Variants in TNS4 observed in about 807,000 individuals in gnomAD.
TNS4 encodes tensin-4.
In TNS4, 46 loss-of-function variants were observed where a neutral mutation model predicts 70.4. That is an observed-to-expected ratio of 0.65 (90% CI 0.52 to 0.84). The LOEUF (loss-of-function observed/expected upper bound fraction) is 0.84. TNS4 is among the 40% of genes least tolerant of loss of function. TNS4 has a pLI of 0.00. For synonymous variants in TNS4, 390 were observed against 366.6 expected (o/e 1.06, Z -0.73); for missense variants, 863 against 907.0 (o/e 0.95, Z 0.62).
In TNS4 at chr17:40,476,421, TGTGTGTG is replaced by T; in HGVS notation, c.*1160_*1166del. On this transcript the variant is annotated 3_prime_UTR_variant, in exon 13 of 13. Transcript: ENST00000254051. Reference sequence around the variant, plus strand: ...GTGTGTGTGTGTGTGTGTGTGTGTGTGTGTGTGTTGGAGCGTGGGTTGGGGGAGGGCT... The same window carrying T: ...GTGTGTGTGTGTGTGTGTGTGTGTGTTTGGAGCGTGGGTTGGGGGAGGGCT... The T allele has an allele frequency of 7.3e-6, 1 of 136,800 alleles. No individual in the cohort carries two copies. Among genetic ancestry groups the T allele is most frequent in the Non-Finnish European group, 1.5e-5 (1 of 64,824 alleles). The allele number at this position is 136,800 out of a possible 1,614,324, so 8.5% of individuals were successfully genotyped here. A position where few individuals can be genotyped will look rare whatever the true frequency, so the allele number is the denominator to read the frequency against.
At chr17:40,480,654 C>T (rs1419345181) in intron 9 of TNS4, 46 bp downstream of exon 9, 1 of 1,470,826 alleles carries the variant, frequency 6.8e-7, no homozygotes. Context: ...GAGGTGCCCT[C>T]TTGGGGCACA....
intron 1 of TNS4, 112 bp downstream of exon 1, chr17:40,501,422 T>C (rs2036214637): frequency 1.6e-5 from 2 of 126,086 alleles, no homozygotes; most frequent in East Asian, 4.5e-4. Flanking sequence ...CACTCCAGCT[T>C]GGGTGACAGA....
intron 8 of TNS4, 54 bp from the exon 9 acceptor site, chr17:40,480,822 G>A (rs1046852874): frequency 6.4e-7 from 1 of 1,572,630 alleles, no homozygotes; most frequent in Non-Finnish European, 8.7e-7. Flanking sequence ...GGAGTGAATG[G>A]ACCCCTCTCA....
At chr17:40,481,675 T>A (rs1279482635) in intron 8 of TNS4, among the ~76,000 whole-genome samples, 2 of 152,230 alleles carry the variant, frequency 1.3e-5, no homozygotes, top group African/African-American at 4.8e-5. Context: ...CCTTATTTTC[T>A]TATCTGTGAA....
intron 2 of TNS4, among the ~76,000 whole-genome samples, chr17:40,492,718 C>T (rs1010166916): frequency 6.6e-6 from 1 of 151,160 alleles, no homozygotes; most frequent in African/African-American, 2.4e-5. Context: ...CATGGTGAGA[C>T]TCCATCTCTA....
Position 40,496,213 on chromosome 17 carries a change from C to CT in TNS4, c.212dup (p.Val72GlyfsTer14). The CT allele has an allele frequency of 6.2e-7, 1 of 1,601,696 alleles. No individual in the cohort carries two copies. Among genetic ancestry groups the CT allele is most frequent in the African/African-American group, 1.3e-5 (1 of 74,632 alleles). On this transcript the variant is annotated frameshift_variant, in exon 2 of 13. Transcript: ENST00000254051. LOFTEE classifies it high-confidence loss of function. Reference sequence around the variant, plus strand: ...GGAAGCAGGTGGCTTTGGCCTCCACCTGTGGGGCTTGCTGGAGTCGGCCAG... The same window carrying CT: ...GGAAGCAGGTGGCTTTGGCCTCCACCTTGTGGGGCTTGCTGGAGTCGGCCAG...
chr17:40,494,729 CAAA>C (rs5820349), intron 2 of TNS4, among the ~76,000 whole-genome samples: 82,139 of 106,304 alleles, frequency 0.77, 31,406 homozygotes, highest in East Asian at 0.89. Flanking sequence ...GACTCCATTG[CAAA>C]AAAAAAAAAA....
At position 40,478,624 on chromosome 17, in the gene TNS4, T is replaced by G; in HGVS notation, c.1935A>C (p.Pro645=). Reference sequence around the variant, plus strand: ...TACCACAGAAGCGGAGGGTGGTGAGTGGGTAATGGCGCCGGAAAAACACCC... The same window carrying G: ...TACCACAGAAGCGGAGGGTGGTGAGGGGGTAATGGCGCCGGAAAAACACCC... ...QRKVFFRRHY[P]LTTLRFCGMD... is the part of the protein sequence containing the mutation. Residue 645 remains proline (P), a synonymous_variant, in exon 11 of 13, where the codon CCA becomes CCC. Transcript: ENST00000254051. 6.2e-7 allele frequency: 1 copy of G among 1,613,836 alleles called. No individual in the cohort carries two copies. Among genetic ancestry groups the G allele is most frequent in the Non-Finnish European group, 8.5e-7 (1 of 1,179,936 alleles).
intron 2 of TNS4, among the ~76,000 whole-genome samples, chr17:40,491,774 G>A (rs531450192): frequency 6.6e-6 from 1 of 152,188 alleles, no homozygotes; most frequent in Non-Finnish European, 1.5e-5. Flanking sequence ...GGCCTGTGGG[G>A]CAAGTCTGAG....
Position 40,476,334 on chromosome 17 carries a change from G to T in TNS4, c.*1254C>A, listed in dbSNP as rs58563808. On this transcript the variant is annotated 3_prime_UTR_variant, in exon 13 of 13. Coordinates refer to ENST00000254051, the MANE Select transcript of TNS4 (RefSeq NM_032865.6). Reference sequence around the variant, plus strand: ...GACTCTCTGCTTCCCCCGTGTGGCTGTGAGGCTGGTTGAAGCCACATAGCA... The same window carrying T: ...GACTCTCTGCTTCCCCCGTGTGGCTTTGAGGCTGGTTGAAGCCACATAGCA... 24,990 of 151,174 alleles carry T rather than the reference G, an allele frequency of 0.17. 2,350 individuals carry two copies. The highest frequency in any genetic ancestry group is 0.24 in the Middle Eastern group (74 of 304). 9.4% of individuals were successfully genotyped at this position (151,174 alleles called of 1,614,324 possible).
intron 6 of TNS4, among the ~76,000 whole-genome samples, chr17:40,483,732 T>A (rs568608462): frequency 6.6e-6 from 1 of 152,278 alleles, no homozygotes; most frequent in East Asian, 1.9e-4. Context: ...ACTTTCTTAT[T>A]GTGACAGTGA....
chr17:40,499,692 C>T (rs2036188731), intron 1 of TNS4, among the ~76,000 whole-genome samples: 1 of 152,258 alleles, frequency 6.6e-6, no homozygotes, highest in African/African-American at 2.4e-5. Flanking sequence ...GGAAGGGAGC[C>T]GGCCTCTGCG....
At position 40,484,530 on chromosome 17, in the gene TNS4, C is replaced by G. The variant is rs1364265185; in HGVS notation, c.1455G>C (p.Leu485=). The G allele has an allele frequency of 1.2e-6, 2 of 1,612,572 alleles. No homozygotes were observed. The highest frequency in any genetic ancestry group is 1.7e-6 in the Non-Finnish European group (2 of 1,180,022). The change falls in exon 6 of 13, where the codon CTG becomes CTC. Residue 485 remains leucine (L), a synonymous_variant. Transcript: ENST00000254051. ...DSSSYRGSFG[L]ALKVQEVPAS... ...CGGGAACCTCCTGCACCTTCAGGGCCAGGCCGAAGGAGCCTCGGTATGAAG... is the reference window on the plus strand; with the variant it reads ...CGGGAACCTCCTGCACCTTCAGGGCGAGGCCGAAGGAGCCTCGGTATGAAG...
chr17:40,497,071 C>A (rs1328330026), intron 1 of TNS4, among the ~76,000 whole-genome samples: 7 of 152,184 alleles, frequency 4.6e-5, no homozygotes, highest in African/African-American at 1.7e-4. Context: ...GGGCCCTCGG[C>A]TGCCTGATGT....
chr17:40,480,670 G>A, intron 9 of TNS4, 30 bp downstream of exon 9: 4 of 1,493,510 alleles, frequency 2.7e-6, no homozygotes, highest in Middle Eastern at 1.9e-4. Context: ...GCACAGCCAA[G>A]CTTGGCGCCT....
At position 40,482,221 on chromosome 17, in the gene TNS4, G is replaced by T; in HGVS notation, c.1595-15C>A. ...AGAGAGGCTCCCTGAAAGGAAGCAA[G>T]CAGCCCTGCATGAGTAGAGCTTCCC... is the stretch of plus-strand genomic sequence containing the variant. On this transcript the variant is annotated splice_polypyrimidine_tract_variant and intron_variant, in intron 7 of 12. Coordinates refer to ENST00000254051, the MANE Select transcript of TNS4 (RefSeq NM_032865.6). 1.2e-6 allele frequency: 2 copies of T among 1,614,178 alleles called. No individual in the cohort carries two copies. The highest frequency in any genetic ancestry group is 1.7e-6 in the Non-Finnish European group (2 of 1,180,020).
chr17:40,497,276 A>G (rs1245179960), intron 1 of TNS4, among the ~76,000 whole-genome samples: 1 of 152,156 alleles, frequency 6.6e-6, no homozygotes, highest in African/African-American at 2.4e-5. Context: ...GCGCAAGTTG[A>G]GTAGGGATGA....
intron 8 of TNS4, 115 bp downstream of exon 8, chr17:40,482,014 C>T: frequency 8.3e-7 from 1 of 1,207,552 alleles, no homozygotes; most frequent in Non-Finnish European, 1.2e-6. Flanking sequence ...CCAGTGCACA[C>T]AGTTTTAACC....
intron 1 of TNS4, among the ~76,000 whole-genome samples, chr17:40,500,473 G>C (rs1434457553): frequency 6.6e-6 from 1 of 152,164 alleles, no homozygotes; most frequent in Non-Finnish European, 1.5e-5. Context: ...GTGTGGTTGG[G>C]AGGCACGGGG....
Sources: allele counts gnomAD v4.1 joint callset (sites outside exome capture counted in the v4.1 genomes callset), GRCh38; gene constraint gnomAD v4.1.1; transcripts MANE v1.5; gene names NCBI Gene and HGNC (gene_info 2026-07-23, HGNC 2026-07-21).